KHDRBS2: variants seen among roughly 807,000 people sequenced by gnomAD.
KHDRBS2 encodes the protein KH RNA binding domain containing, signal transduction associated 2, also known as KH domain-containing, RNA-binding, signal transduction-associated protein 2.
A neutral mutation model predicts 44.3 loss-of-function variants in KHDRBS2; 26 were observed. That is an observed-to-expected ratio of 0.59 (90% CI 0.43 to 0.81). The LOEUF is 0.81. KHDRBS2 is among the 40% of genes least tolerant of loss of function. KHDRBS2 has a pLI of 0.00. For synonymous variants in KHDRBS2, 194 were observed against 151.1 expected, an observed-to-expected ratio of 1.28 and a Z score of -2.08; for missense variants, 476 against 433.1, an observed-to-expected ratio of 1.10 and a Z score of -0.88.
intron 1 of KHDRBS2, among the ~76,000 whole-genome samples, chr6:62,205,123 T>C (rs1159522272): frequency 6.6e-6 from 1 of 152,120 alleles, no homozygotes; most frequent in African/African-American, 2.4e-5. Flanking sequence ...AGCCACTGCA[T>C]GGTCAGGAAT....
intron 6 of KHDRBS2, among the ~76,000 whole-genome samples, chr6:61,826,777 G>A (rs1790938214): frequency 6.6e-6 from 1 of 152,016 alleles, no homozygotes; most frequent in Admixed American, 6.6e-5. Flanking sequence ...TGGCTCTTTG[G>A]GAGACATTTC....
intron 4 of KHDRBS2, among the ~76,000 whole-genome samples, chr6:61,961,460 G>GAGGA (rs576754674): frequency 3.9e-5 from 6 of 151,918 alleles, no homozygotes; most frequent in South Asian, 2.1e-4. Context: ...AAAAGAGATG[G>GAGGA]AGGAAGGAAG....
At chr6:61,799,339 T>G (rs899671794) in intron 6 of KHDRBS2, among the ~76,000 whole-genome samples, 1 of 151,954 alleles carries the variant, frequency 6.6e-6, no homozygotes, top group Non-Finnish European at 1.5e-5. Flanking sequence ...CTAAGAATAA[T>G]AGTTATTTCT....
intron 3 of KHDRBS2, among the ~76,000 whole-genome samples, chr6:62,028,851 G>A (rs925237911): frequency 2.6e-5 from 4 of 152,028 alleles, no homozygotes; most frequent in Admixed American, 6.6e-5. Context: ...ACACATGTGA[G>A]AATTCACAGG....
chr6:62,231,745 C>T (rs961233746), intron 1 of KHDRBS2, among the ~76,000 whole-genome samples: 5 of 151,968 alleles, frequency 3.3e-5, no homozygotes, highest in African/African-American at 9.7e-5. Flanking sequence ...TCTTTAATAC[C>T]TTTCATTTTT....
the KHDRBS2 span, among the ~76,000 whole-genome samples, chr6:61,640,001 C>T: frequency 6.6e-6 from 1 of 151,882 alleles, no homozygotes; most frequent in South Asian, 2.1e-4. Flanking sequence ...TTTGAACAAA[C>T]TAACTGTAAA....
At chr6:62,017,062 C>T (rs1396991659) in intron 3 of KHDRBS2, among the ~76,000 whole-genome samples, 2 of 152,112 alleles carry the variant, frequency 1.3e-5, no homozygotes, top group Non-Finnish European at 2.9e-5. Context: ...CTCACTTCCT[C>T]ATCGCTGGTT....
chr6:62,230,832 T>C (rs1187121304), intron 1 of KHDRBS2, among the ~76,000 whole-genome samples: 1 of 152,216 alleles, frequency 6.6e-6, no homozygotes. Context: ...AGAAGCTTTA[T>C]TACTTTATTT....
intron 1 of KHDRBS2, among the ~76,000 whole-genome samples, chr6:62,274,034 C>G (rs1039188044): frequency 3.3e-5 from 5 of 152,106 alleles, no homozygotes; most frequent in African/African-American, 1.2e-4. Flanking sequence ...CTTCTGGGTT[C>G]AATCAATTCT....
At chr6:62,054,910 A>T (rs1401598845) in intron 2 of KHDRBS2, among the ~76,000 whole-genome samples, 1 of 152,048 alleles carries the variant, frequency 6.6e-6, no homozygotes, top group Non-Finnish European at 1.5e-5. Context: ...ATACTAAGGA[A>T]AGAAGGAGCT....
At chr6:62,197,578 T>A (rs1825959722) in intron 1 of KHDRBS2, among the ~76,000 whole-genome samples, 2 of 152,054 alleles carry the variant, frequency 1.3e-5, no homozygotes, top group African/African-American at 4.8e-5. Context: ...GAACCCAGTT[T>A]TTCAGACTAA....
At chr6:62,224,474 G>C (rs1687856797) in intron 1 of KHDRBS2, among the ~76,000 whole-genome samples, 1 of 152,060 alleles carries the variant, frequency 6.6e-6, no homozygotes, top group South Asian at 2.1e-4. Context: ...TCTTTCATCT[G>C]GTATTAAGAT....
intron 1 of KHDRBS2, among the ~76,000 whole-genome samples, chr6:62,197,649 C>G (rs915581115): frequency 4.6e-5 from 7 of 152,066 alleles, no homozygotes; most frequent in African/African-American, 1.7e-4. Flanking sequence ...TATAAATATA[C>G]ACACCACTGT....
At chr6:62,202,139 T>A (rs1426608494) in intron 1 of KHDRBS2, among the ~76,000 whole-genome samples, 3 of 152,080 alleles carry the variant, frequency 2.0e-5, no homozygotes, top group Non-Finnish European at 4.4e-5. Context: ...TTCAAACAAG[T>A]ATACAAATTC....
At chr6:61,558,356 G>A in the KHDRBS2 span, among the ~76,000 whole-genome samples, 6 of 151,924 alleles carry the variant, frequency 3.9e-5, no homozygotes, top group Admixed American at 1.3e-4. Context: ...GAGCCCAGGA[G>A]CTTGATACCA....
chr6:61,665,692 GA>G, the KHDRBS2 span, among the ~76,000 whole-genome samples: 26 of 148,932 alleles, frequency 1.7e-4, no homozygotes, highest in East Asian at 1.4e-3. Context: ...TCTTTTGAAG[GA>G]AAAAAAAATC....
chr6:61,608,786 G>A, the KHDRBS2 span, among the ~76,000 whole-genome samples: 1 of 152,140 alleles, frequency 6.6e-6, no homozygotes, highest in Non-Finnish European at 1.5e-5. Context: ...ATTTATGGCT[G>A]CATGGTATTC....
At chr6:61,751,578 A>G (rs1329029797) in intron 6 of KHDRBS2, among the ~76,000 whole-genome samples, 3 of 152,192 alleles carry the variant, frequency 2.0e-5, no homozygotes, top group African/African-American at 7.2e-5. Context: ...ATTTTCACTT[A>G]AAAACATAAC....
chr6:61,643,190 T>G, the KHDRBS2 span, among the ~76,000 whole-genome samples: 1 of 152,296 alleles, frequency 6.6e-6, no homozygotes, highest in Non-Finnish European at 1.5e-5. Flanking sequence ...TATATAAAAG[T>G]TTCAAAAAGA....
Sources: allele counts gnomAD v4.1 joint callset (sites outside exome capture counted in the v4.1 genomes callset), GRCh38; gene constraint gnomAD v4.1.1; transcripts MANE v1.5; gene names NCBI Gene and HGNC (gene_info 2026-07-23, HGNC 2026-07-21).